Variants in WWP2 observed in about 807,000 individuals in gnomAD.
WWP2 encodes NEDD4-like E3 ubiquitin-protein ligase WWP2.
Under a neutral mutation model 121.0 loss-of-function variants are expected in WWP2, and 57 were observed. That is an observed-to-expected ratio of 0.47 (90% confidence interval 0.38 to 0.59). WWP2 has a LOEUF of 0.59. Among genes scored for constraint, WWP2 ranks in the 20% least tolerant of loss-of-function variants. The pLI is 0.00. For missense variants in WWP2, 962 were observed against 1,158.9 expected (o/e 0.83, Z 2.47); for synonymous variants, 449 against 441.3 (o/e 1.02, Z -0.22).
intron 6 of WWP2, among the ~76,000 whole-genome samples, chr16:69,855,012 C>T (rs2057285013): frequency 2.0e-5 from 3 of 152,032 alleles, no homozygotes; most frequent in Admixed American, 6.6e-5. Flanking sequence ...TGCACCACCA[C>T]AGTAGGCTAA....
chr16:69,924,919 C>T (rs2058617581), intron 10 of WWP2: 1 of 986,148 alleles, frequency 1.0e-6, no homozygotes, highest in African/African-American at 1.7e-5. Flanking sequence ...GGCCGGGCCC[C>T]AGCCAGGAAG....
At chr16:69,908,634 C>G in intron 8 of WWP2, 127 bp from the exon 9 acceptor site, 2 of 1,513,040 alleles carry the variant, frequency 1.3e-6, no homozygotes, top group Non-Finnish European at 1.8e-6. Flanking sequence ...GCCATTGGGT[C>G]GGCCTCGCAT....
chr16:69,883,217 C>T (rs935397962), intron 7 of WWP2, among the ~76,000 whole-genome samples: 8 of 152,040 alleles, frequency 5.3e-5, no homozygotes, highest in Non-Finnish European at 8.8e-5. Context: ...TCCTTGTCTT[C>T]GACAATCCAG....
intron 4 of WWP2, among the ~76,000 whole-genome samples, chr16:69,833,352 G>A (rs2056824173): frequency 6.6e-6 from 1 of 152,222 alleles, no homozygotes; most frequent in African/African-American, 2.4e-5. Flanking sequence ...GTGGGTCTGT[G>A]TGTCTCTCTG....
chr16:69,931,330 C>T (rs1049745824), intron 14 of WWP2, 103 bp downstream of exon 14: 64 of 1,518,550 alleles, frequency 4.2e-5, no homozygotes, highest in East Asian at 6.8e-5. Flanking sequence ...GTGTCTTAGG[C>T]GGGCGCAAGA....
At chr16:69,787,188 G>T in intron 2 of WWP2, 108 bp downstream of exon 2, 1 of 731,464 alleles carries the variant, frequency 1.4e-6, no homozygotes, top group South Asian at 2.5e-5. Flanking sequence ...GTTTACATGT[G>T]TTAATTATTT....
chr16:69,885,374 C>T (rs1349512116), intron 7 of WWP2, among the ~76,000 whole-genome samples: 1 of 152,096 alleles, frequency 6.6e-6, no homozygotes. Context: ...ACATTAATTG[C>T]ACAAGATTTA....
At chr16:69,818,611 C>T (rs2056539143) in intron 4 of WWP2, among the ~76,000 whole-genome samples, 1 of 152,170 alleles carries the variant, frequency 6.6e-6, no homozygotes, top group African/African-American at 2.4e-5. Context: ...CCAATGGTCA[C>T]TTCTCAAGCT....
At chr16:69,887,294 T>TATG (rs761517582) in intron 7 of WWP2, among the ~76,000 whole-genome samples, 29 of 152,318 alleles carry the variant, frequency 1.9e-4, no homozygotes, top group Admixed American at 4.6e-4. Flanking sequence ...CTTTAGTGTG[T>TATG]ATGAGCTTTT....
At chr16:69,933,745 A>C (rs2058753906) in intron 16 of WWP2, among the ~76,000 whole-genome samples, 1 of 152,060 alleles carries the variant, frequency 6.6e-6, no homozygotes, top group East Asian at 1.9e-4. Flanking sequence ...CCCAAATATC[A>C]TCCTCAAATG....
intron 4 of WWP2, among the ~76,000 whole-genome samples, chr16:69,829,215 A>G (rs927661042): frequency 6.6e-6 from 1 of 152,080 alleles, no homozygotes; most frequent in Non-Finnish European, 1.5e-5. Flanking sequence ...CTGGCTGCCA[A>G]AATTTTCATC....
intron 6 of WWP2, among the ~76,000 whole-genome samples, chr16:69,867,849 G>A (rs147728285): frequency 1.3e-5 from 2 of 152,302 alleles, no homozygotes; most frequent in East Asian, 3.9e-4. Context: ...CCCCTAAATG[G>A]TGAGGGGGCT....
At chr16:69,862,579 C>G (rs916041322) in intron 6 of WWP2, among the ~76,000 whole-genome samples, 1 of 152,012 alleles carries the variant, frequency 6.6e-6, no homozygotes, top group African/African-American at 2.4e-5. Context: ...CTTGAAACTT[C>G]TCTTTTGCTG....
At chr16:69,936,881 T>C in intron 19 of WWP2, 1 of 537,532 alleles carries the variant, frequency 1.9e-6, no homozygotes, top group Non-Finnish European at 3.3e-6. Context: ...CAGTCGGCGC[T>C]GGGGGCAGGA....
chr16:69,891,514 TC>T (rs1451017859), intron 8 of WWP2, among the ~76,000 whole-genome samples: 2 of 152,206 alleles, frequency 1.3e-5, no homozygotes, highest in Admixed American at 1.3e-4. Flanking sequence ...CACTGTTGAT[TC>T]TTTCATTAGA....
In WWP2 at chr16:69,928,636, C is replaced by T. The variant is rs527640473; in HGVS notation, c.1235-812C>T. Among the ~76,000 whole-genome samples the T allele has an allele frequency of 1.2e-4, 18 of 152,232 alleles. No homozygotes were observed. The East Asian group carries it at 2.1e-3, about 18-fold the overall frequency. On this transcript the variant is annotated intron_variant, in intron 11 of 23. Coordinates refer to ENST00000359154, the MANE Select transcript of WWP2 (RefSeq NM_001270454.2). ...AAGAACAGGATAGGCAGGCCAGGCA[C>T]GGTGGCTTATTGCCTGTAATCCCAG...
intron 9 of WWP2, among the ~76,000 whole-genome samples, chr16:69,916,930 G>A (rs1386610594): frequency 1.3e-5 from 2 of 152,156 alleles, no homozygotes; most frequent in Non-Finnish European, 2.9e-5. Context: ...TTGGGAGGCC[G>A]AGGTGGGAGG....
chr16:69,853,748 G>A (rs938461245), intron 6 of WWP2, among the ~76,000 whole-genome samples: 11 of 152,200 alleles, frequency 7.2e-5, no homozygotes, highest in African/African-American at 2.2e-4. Flanking sequence ...TAATTAAGCA[G>A]GACTGCATGG....
chr16:69,897,636 G>T (rs1486912280), intron 8 of WWP2, among the ~76,000 whole-genome samples: 1 of 151,998 alleles, frequency 6.6e-6, no homozygotes, highest in Non-Finnish European at 1.5e-5. Flanking sequence ...TAGGCCAGGC[G>T]CAGTGGCTCA....
Sources: gnomAD v4.1 joint callset for allele counts (sites outside exome capture counted in the v4.1 genomes callset) on GRCh38, gnomAD v4.1.1 for gene constraint, MANE v1.5 for transcripts, NCBI Gene and HGNC (gene_info 2026-07-23, HGNC 2026-07-21) for gene names.